Variants in CRTAC1 observed in about 807,000 individuals in gnomAD.
CRTAC1 encodes the protein acidic secreted protein in cartilage.
In CRTAC1, 37 loss-of-function variants were observed where a neutral mutation model predicts 67.8. The ratio of observed to expected loss-of-function variants is 0.55; its 90% confidence interval spans 0.42 to 0.72. The LOEUF (loss-of-function observed/expected upper bound fraction) is 0.72. Ranked by LOEUF, CRTAC1 falls within the 30% of genes least tolerant of loss-of-function variation. The pLI, the probability that CRTAC1 is intolerant of heterozygous loss-of-function variation, is 0.00. For missense variants in CRTAC1, 780 were observed against 931.6 expected (o/e 0.84, Z 2.12); for synonymous variants, 348 against 371.0 (o/e 0.94, Z 0.71).
intron 9 of CRTAC1, 93 bp from the exon 10 acceptor site, chr10:97,896,078 G>T (rs571483422): frequency 3.2e-5 from 36 of 1,129,530 alleles, no homozygotes; most frequent in East Asian, 1.2e-4. Flanking sequence ...ACAGCCCTGG[G>T]CGTGGGAGCC....
At chr10:97,979,990 C>T (rs1031973924) in intron 2 of CRTAC1, among the ~76,000 whole-genome samples, 5 of 152,202 alleles carry the variant, frequency 3.3e-5, no homozygotes, top group East Asian at 1.9e-4. Context: ...CTTCAACAAA[C>T]GCCCGGGGCC....
At chr10:97,952,793 G>C (rs144321473) in intron 2 of CRTAC1, among the ~76,000 whole-genome samples, 1 of 152,196 alleles carries the variant, frequency 6.6e-6, no homozygotes, top group African/African-American at 2.4e-5. Flanking sequence ...CCATTTAGGA[G>C]TTTATAATAT....
In CRTAC1 at chr10:97,896,976, C is replaced by G; in HGVS notation, c.1149G>C (p.Glu383Asp). 1 of 1,558,754 alleles carries G rather than the reference C, an allele frequency of 6.4e-7. No homozygotes were observed. The highest frequency in any genetic ancestry group is 8.7e-7 in the Non-Finnish European group (1 of 1,150,504). Reference sequence around the variant, plus strand: ...GCTCCTCGATGAGGGGGTCTCCGTGCTCTCTACGGATGACGCTGCAGGAGA... The same window carrying G: ...GCTCCTCGATGAGGGGGTCTCCGTGGTCTCTACGGATGACGCTGCAGGAGA... ...ANRLFRVIRREHGDPLIEELN... is the reference protein window; with the variant it reads ...ANRLFRVIRRDHGDPLIEELN... Residue 383 changes from glutamate to aspartate, a missense_variant, in exon 9 of 15, where the codon GAG becomes GAC. By Grantham distance (45) the Glu-to-Asp change is conservative (BLOSUM62 2). Transcript: ENST00000370597.
At chr10:97,923,725 G>C (rs1438056483) in intron 3 of CRTAC1, among the ~76,000 whole-genome samples, 1 of 152,170 alleles carries the variant, frequency 6.6e-6, no homozygotes, top group African/African-American at 2.4e-5. Context: ...TCCTGCAACA[G>C]CATCAAGGAG....
chr10:98,002,857 C>CA (rs1225060434), intron 2 of CRTAC1, among the ~76,000 whole-genome samples: 1 of 132,012 alleles, frequency 7.6e-6, no homozygotes, highest in Non-Finnish European at 1.6e-5. Flanking sequence ...CCGTTCACTG[C>CA]AAGCTCCGCC....
intron 3 of CRTAC1, among the ~76,000 whole-genome samples, chr10:97,926,379 G>A (rs1052357033): frequency 6.6e-6 from 1 of 152,198 alleles, no homozygotes; most frequent in African/African-American, 2.4e-5. Flanking sequence ...TCTCAGCGTC[G>A]TTGTGGGAAT....
At chr10:97,876,331 C>T (rs113309189) in intron 14 of CRTAC1, among the ~76,000 whole-genome samples, 9 of 152,114 alleles carry the variant, frequency 5.9e-5, no homozygotes, top group East Asian at 5.8e-4. Flanking sequence ...GAGGATTAAA[C>T]GAGTTGATTA....
chr10:97,894,889 A>G (rs536953581), intron 11 of CRTAC1, among the ~76,000 whole-genome samples: 1 of 150,698 alleles, frequency 6.6e-6, no homozygotes, highest in East Asian at 2.0e-4. Flanking sequence ...CCAGCTCCCA[A>G]GAGGCCAGGG....
intron 14 of CRTAC1, chr10:97,868,597 G>A (rs543372668): frequency 6.6e-6 from 1 of 152,332 alleles, no homozygotes; most frequent in Admixed American, 6.5e-5. Context: ...TGTGCAGCCT[G>A]GACTCACTCC....
chr10:97,905,804 G>A lies in CRTAC1; in HGVS notation c.851-990C>T, dbSNP rs533030378. 2.0e-5 allele frequency among the ~76,000 whole-genome samples: 3 copies of A among 152,346 alleles called. No homozygotes were observed. In the East Asian group the frequency reaches 5.8e-4, roughly 29 times the overall value. On this transcript the variant is annotated intron_variant, in intron 6 of 14. Coordinates refer to ENST00000370597, the MANE Select transcript of CRTAC1 (RefSeq NM_018058.7). ...CAGAGAAGCCCACAGCATGCCTGGT[G>A]AGACCTGGAAAGCGAAGCCTCTGTG... is the stretch of plus-strand genomic sequence containing the variant.
chr10:97,938,004 G>T (rs964484797), intron 2 of CRTAC1, among the ~76,000 whole-genome samples: 2 of 152,212 alleles, frequency 1.3e-5, no homozygotes. Flanking sequence ...AGTCTGGCCC[G>T]CTGCATCATC....
intron 5 of CRTAC1, among the ~76,000 whole-genome samples, chr10:97,913,903 G>A (rs923543595): frequency 2.0e-5 from 3 of 152,188 alleles, no homozygotes; most frequent in Non-Finnish European, 2.9e-5. Flanking sequence ...AGGCATCTCC[G>A]TCTCCTTCAA....
chr10:97,916,429 G>C (rs2050759522), intron 5 of CRTAC1, among the ~76,000 whole-genome samples: 1 of 152,194 alleles, frequency 6.6e-6, no homozygotes, highest in Non-Finnish European at 1.5e-5. Flanking sequence ...TTGTAAGACA[G>C]GTCAACATTA....
At chr10:97,978,466 A>G (rs1399609035) in intron 2 of CRTAC1, among the ~76,000 whole-genome samples, 1 of 152,192 alleles carries the variant, frequency 6.6e-6, no homozygotes, top group Admixed American at 6.5e-5. Context: ...AGATGTAAAG[A>G]ACTTTCTAGT....
chr10:98,008,427 G>A (rs1433127738), intron 2 of CRTAC1, among the ~76,000 whole-genome samples: 1 of 151,894 alleles, frequency 6.6e-6, no homozygotes, highest in African/African-American at 2.4e-5. Flanking sequence ...GTGGGGGGTG[G>A]GGTGGGGGGG....
Position 98,029,612 on chromosome 10 carries a change from A to G in CRTAC1, c.24+837T>C, listed in dbSNP as rs2136715276. ...AGGAGAATTTCCCCGCCACTCTGGGAGGCTTCCATCCAGGCTGGGATGACT... is the reference window on the plus strand; with the variant it reads ...AGGAGAATTTCCCCGCCACTCTGGGGGGCTTCCATCCAGGCTGGGATGACT... On this transcript the variant is annotated intron_variant, in intron 1 of 14. Coordinates refer to ENST00000370597, the MANE Select transcript of CRTAC1 (RefSeq NM_018058.7). The surrounding 1 kb of genome is among the most constrained non-coding windows in gnomAD (Gnocchi z 4.7). Among the ~76,000 whole-genome samples the G allele has an allele frequency of 1.3e-5, 2 of 152,172 alleles. No homozygotes were observed. The highest frequency in any genetic ancestry group is 2.9e-5 in the Non-Finnish European group (2 of 67,990).
chr10:97,904,467 G>C (rs1014020710), intron 7 of CRTAC1, among the ~76,000 whole-genome samples: 1 of 151,944 alleles, frequency 6.6e-6, no homozygotes, highest in African/African-American at 2.4e-5. Context: ...TGTCACTCAG[G>C]CTGGAGTGCA....
intron 2 of CRTAC1, among the ~76,000 whole-genome samples, chr10:98,004,237 G>T (rs190553099): frequency 6.6e-6 from 1 of 152,270 alleles, no homozygotes; most frequent in African/African-American, 2.4e-5. Context: ...TTGCAGAAGA[G>T]GCTTTAGAGC....
chr10:97,920,614 G>A (rs1457993680), intron 4 of CRTAC1, among the ~76,000 whole-genome samples: 1 of 152,170 alleles, frequency 6.6e-6, no homozygotes, highest in South Asian at 2.1e-4. Flanking sequence ...GACACTGCTG[G>A]TCTGGGAACC....
Sources: gnomAD v4.1 joint callset for allele counts (sites outside exome capture counted in the v4.1 genomes callset) on GRCh38, gnomAD v4.1.1 for gene constraint, Gnocchi (gnomAD v3.1) non-coding constraint, MANE v1.5 for transcripts, NCBI Gene and HGNC (gene_info 2026-07-23, HGNC 2026-07-21) for gene names.